Variants in MIPOL1 observed in about 807,000 individuals in gnomAD.
The protein encoded by MIPOL1 is mirror-image polydactyly gene 1 protein.
A neutral mutation model predicts 60.9 loss-of-function variants in MIPOL1; 57 were observed. The ratio of observed to expected loss-of-function variants is 0.94; its 90% CI spans 0.76 to 1.17. The LOEUF is 1.17. Ranked by LOEUF, MIPOL1 falls within the 50% of genes most tolerant of loss-of-function variation. The probability of loss-of-function intolerance (pLI) is 0.00; values close to 1 mark genes in which losing one functional copy is unlikely to be tolerated. For synonymous variants in MIPOL1, 179 were observed against 168.8 expected (o/e 1.06, Z -0.47); for missense variants, 551 against 511.6 (o/e 1.08, Z -0.74).
intron 1 of MIPOL1, among the ~76,000 whole-genome samples, chr14:37,226,995 G>A (rs1259396551): frequency 6.6e-6 from 1 of 152,114 alleles, no homozygotes; most frequent in Non-Finnish European, 1.5e-5. Flanking sequence ...GTAAGAAGCT[G>A]AAAATGTCTC....
intron 1 of MIPOL1, among the ~76,000 whole-genome samples, chr14:37,244,835 T>G (rs1402824302): frequency 3.9e-5 from 6 of 152,172 alleles, no homozygotes. Flanking sequence ...TTTATTAGTC[T>G]TAATCCTTTG....
At position 37,535,227 on chromosome 14, in the gene MIPOL1, T is replaced by C. The variant is rs981353028; in HGVS notation, c.1263-11678T>C. Among the ~76,000 whole-genome samples the C allele has an allele frequency of 2.0e-5, 3 of 152,162 alleles. No homozygotes were observed. In the South Asian group the frequency reaches 6.2e-4, roughly 31 times the overall value. The stretch of plus-strand genomic sequence containing the variant: ...TACCTAAAAGATAGTAGTTAGTCAA[T>C]GTTTAAAATATAGGTAATTTTTTGG... On this transcript the variant is annotated intron_variant, in intron 12 of 12. Transcript: ENST00000684589.
chr14:37,397,671 G>A (rs1008273559), intron 10 of MIPOL1, among the ~76,000 whole-genome samples: 4 of 152,098 alleles, frequency 2.6e-5, no homozygotes, highest in African/African-American at 7.2e-5. Flanking sequence ...GGATCAGGGC[G>A]AGGTTCCCAG....
intron 1 of MIPOL1, among the ~76,000 whole-genome samples, chr14:37,237,521 T>G (rs898795011): frequency 1.3e-5 from 2 of 152,188 alleles, no homozygotes; most frequent in Non-Finnish European, 2.9e-5. Context: ...TGCTTTGGTT[T>G]TTTAAAAAAT....
At chr14:37,524,857 C>T (rs1046188701) in intron 12 of MIPOL1, among the ~76,000 whole-genome samples, 1 of 151,876 alleles carries the variant, frequency 6.6e-6, no homozygotes, top group Non-Finnish European at 1.5e-5. Context: ...CATGAACCAC[C>T]GCACCCGGCC....
At chr14:37,271,278 A>C (rs940925593) in intron 6 of MIPOL1, among the ~76,000 whole-genome samples, 3 of 152,042 alleles carry the variant, frequency 2.0e-5, no homozygotes, top group Non-Finnish European at 2.9e-5. Flanking sequence ...GGAGTAATAG[A>C]CATTAGCATT....
At chr14:37,517,242 T>C (rs2095376630) in intron 12 of MIPOL1, among the ~76,000 whole-genome samples, 1 of 152,194 alleles carries the variant, frequency 6.6e-6, no homozygotes, top group Non-Finnish European at 1.5e-5. Context: ...TATAATGTGC[T>C]CTGTAAACAT....
At chr14:37,339,639 A>G (rs1020938341) in intron 9 of MIPOL1, among the ~76,000 whole-genome samples, 1 of 152,348 alleles carries the variant, frequency 6.6e-6, no homozygotes, top group African/African-American at 2.4e-5. Context: ...ATGGAATACT[A>G]TTTAGCATAA....
chr14:37,364,871 C>T (rs954460937), intron 9 of MIPOL1, among the ~76,000 whole-genome samples: 1 of 152,076 alleles, frequency 6.6e-6, no homozygotes, highest in Non-Finnish European at 1.5e-5. Flanking sequence ...ACTGTCTTTT[C>T]ATTTTTTGGT....
intron 9 of MIPOL1, among the ~76,000 whole-genome samples, chr14:37,355,420 G>A (rs1345803127): frequency 1.0e-4 from 15 of 148,116 alleles, no homozygotes; most frequent in South Asian, 2.2e-4. Context: ...TCTTTGTGGC[G>A]TTCTCTGTAT....
At chr14:37,395,444 T>A (rs1053639089) in intron 10 of MIPOL1, among the ~76,000 whole-genome samples, 3 of 152,162 alleles carry the variant, frequency 2.0e-5, no homozygotes, top group Non-Finnish European at 4.4e-5. Flanking sequence ...TTTTCTAGTT[T>A]TCCTTGTAGA....
At chr14:37,351,679 A>G (rs1260122748) in intron 9 of MIPOL1, among the ~76,000 whole-genome samples, 2 of 137,564 alleles carry the variant, frequency 1.5e-5, no homozygotes, top group African/African-American at 2.7e-5. Context: ...GCATTTTTTC[A>G]TGTGTTTTTT....
intron 12 of MIPOL1, among the ~76,000 whole-genome samples, chr14:37,533,260 A>G (rs1858479342): frequency 6.6e-6 from 1 of 152,166 alleles, no homozygotes; most frequent in African/African-American, 2.4e-5. Flanking sequence ...AGAAGCAGTG[A>G]CCGTCTGAAA....
intron 11 of MIPOL1, among the ~76,000 whole-genome samples, chr14:37,452,081 C>G (rs2094429104): frequency 6.6e-6 from 1 of 151,924 alleles, no homozygotes; most frequent in Non-Finnish European, 1.5e-5. Flanking sequence ...TCCCAAAGTG[C>G]TGGGATTACA....
At chr14:37,236,428 T>C (rs1020373878) in intron 1 of MIPOL1, among the ~76,000 whole-genome samples, 3 of 152,010 alleles carry the variant, frequency 2.0e-5, no homozygotes, top group Non-Finnish European at 2.9e-5. Context: ...TGTGTTTCTT[T>C]TGAGGCTTTT....
At chr14:37,387,532 A>T (rs752559226) in intron 10 of MIPOL1, among the ~76,000 whole-genome samples, 4 of 151,940 alleles carry the variant, frequency 2.6e-5, no homozygotes, top group Non-Finnish European at 5.9e-5. Context: ...ATGAAACCTG[A>T]TACAGTATTT....
At chr14:37,274,757 G>A (rs1208790756) in intron 6 of MIPOL1, among the ~76,000 whole-genome samples, 1 of 151,248 alleles carries the variant, frequency 6.6e-6, no homozygotes, top group Non-Finnish European at 1.5e-5. Flanking sequence ...ATGCTTAAGT[G>A]AGATAATGTT....
At chr14:37,542,337 C>T (rs1012704686) in intron 12 of MIPOL1, among the ~76,000 whole-genome samples, 5 of 151,110 alleles carry the variant, frequency 3.3e-5, no homozygotes, top group African/African-American at 1.2e-4. Flanking sequence ...TATCCTCTTC[C>T]TCCCTCTCTT....
At chr14:37,335,479 T>A (rs2090038656) in intron 9 of MIPOL1, among the ~76,000 whole-genome samples, 1 of 152,100 alleles carries the variant, frequency 6.6e-6, no homozygotes, top group Admixed American at 6.5e-5. Flanking sequence ...TTGAGTATTC[T>A]AGGTACCTTA....
Sources: gnomAD v4.1 joint callset for allele counts (sites outside exome capture counted in the v4.1 genomes callset) on GRCh38, gnomAD v4.1.1 for gene constraint, MANE v1.5 for transcripts, NCBI Gene and HGNC (gene_info 2026-07-23, HGNC 2026-07-21) for gene names.